The following CRTC3 variants were observed in gnomAD, a reference collection of about 807,000 sequenced individuals.
The protein encoded by CRTC3 is CREB-regulated transcription coactivator 3.
A neutral mutation model predicts 74.5 loss-of-function variants in CRTC3; 26 were observed. The ratio of observed to expected loss-of-function variants is 0.35; its 90% CI spans 0.26 to 0.48. The LOEUF (loss-of-function observed/expected upper bound fraction) is 0.48, where lower values mean the gene tolerates loss of function less well. CRTC3 is among the 20% of genes least tolerant of loss of function. CRTC3 has a pLI of 0.99. For synonymous variants in CRTC3, 377 were observed against 325.8 expected (o/e 1.16, Z -1.69); for missense variants, 760 against 787.3 (o/e 0.97, Z 0.41).
At chr15:90,549,858 A>G (rs1315171958) in intron 2 of CRTC3, among the ~76,000 whole-genome samples, 1 of 151,268 alleles carries the variant, frequency 6.6e-6, no homozygotes, top group Non-Finnish European at 1.5e-5. Flanking sequence ...GCCTGCCACC[A>G]TGCCCGGCTC....
chr15:90,639,730 G>A (rs1368800393), intron 13 of CRTC3, among the ~76,000 whole-genome samples: 1 of 149,180 alleles, frequency 6.7e-6, no homozygotes, highest in African/African-American at 2.5e-5. Flanking sequence ...GATTACAGGT[G>A]CGAGCCACTG....
At chr15:90,556,103 A>G (rs140425006) in intron 2 of CRTC3, among the ~76,000 whole-genome samples, 1 of 152,024 alleles carries the variant, frequency 6.6e-6, no homozygotes, top group African/African-American at 2.4e-5. Flanking sequence ...CAACCATTAT[A>G]TAATAATTAT....
intron 1 of CRTC3, among the ~76,000 whole-genome samples, chr15:90,537,694 A>T (rs996686155): frequency 6.6e-6 from 1 of 151,198 alleles, no homozygotes; most frequent in African/African-American, 2.4e-5. Context: ...CTTTTTTTTG[A>T]GACAGAGTCT....
intron 1 of CRTC3, among the ~76,000 whole-genome samples, chr15:90,535,488 T>C (rs1380066815): frequency 6.6e-6 from 1 of 151,998 alleles, no homozygotes; most frequent in Non-Finnish European, 1.5e-5. Flanking sequence ...TTGTGAGACG[T>C]TGAGGAGTGG....
At chr15:90,568,751 T>C (rs968416733) in intron 2 of CRTC3, among the ~76,000 whole-genome samples, 3 of 152,196 alleles carry the variant, frequency 2.0e-5, no homozygotes, top group Non-Finnish European at 4.4e-5. Flanking sequence ...GTTGTTGTCA[T>C]ATTTTAAGAA....
chr15:90,633,609 A>C (rs1408127298), intron 11 of CRTC3, among the ~76,000 whole-genome samples: 1 of 152,114 alleles, frequency 6.6e-6, no homozygotes, highest in Admixed American at 6.5e-5. Flanking sequence ...GAGTCTGCAT[A>C]TTTGGTGGGT....
chr15:90,623,948 C>G (rs1968738524), intron 9 of CRTC3, among the ~76,000 whole-genome samples: 2 of 152,164 alleles, frequency 1.3e-5, no homozygotes, highest in African/African-American at 2.4e-5. Context: ...ACTAGATCAC[C>G]TGAGTTCTTT....
rs1316555668 is a variant in CRTC3 at position 90,530,110 on chromosome 15, G to A, written c.39G>A (p.Arg13=). The change falls in exon 1 of 15, where the codon CGG becomes CGA. Residue 13 remains arginine, a synonymous_variant. Coordinates refer to ENST00000268184, the MANE Select transcript of CRTC3 (RefSeq NM_022769.5). This position sits in a 1 kb window ranked among gnomAD's most constrained non-coding sequence, Gnocchi z 6.2. ...ASPGSGSANP[R]KFSEKIALHT... Reference sequence around the variant, plus strand: ...CGGGCTCGGGCAGCGCCAACCCGCGGAAGTTCAGTGAGAAGATCGCGCTGC... The same window carrying A: ...CGGGCTCGGGCAGCGCCAACCCGCGAAAGTTCAGTGAGAAGATCGCGCTGC... The A allele has an allele frequency of 1.4e-6, 2 of 1,456,050 alleles. No individual in the cohort carries two copies. Among genetic ancestry groups the A allele is most frequent in the Admixed American group, 2.0e-5 (1 of 49,432 alleles). The allele number at this position is 1,456,050 out of a possible 1,614,324, so 90.2% of individuals were successfully genotyped here. A position where few individuals can be genotyped will look rare whatever the true frequency, so the allele number is the denominator to read the frequency against.
chr15:90,632,088 T>TC (rs1321963250), intron 11 of CRTC3, among the ~76,000 whole-genome samples: 2 of 151,472 alleles, frequency 1.3e-5, no homozygotes, highest in Non-Finnish European at 2.9e-5. Flanking sequence ...TTTTTTTTTT[T>TC]TGTAGAGATG....
At chr15:90,537,429 G>T (rs936358194) in intron 1 of CRTC3, among the ~76,000 whole-genome samples, 3 of 152,156 alleles carry the variant, frequency 2.0e-5, no homozygotes, top group Admixed American at 1.3e-4. Flanking sequence ...TGTCGCCCAG[G>T]CTGGAGTGCA....
intron 6 of CRTC3, chr15:90,614,188 C>T: frequency 2.9e-6 from 1 of 343,680 alleles, no homozygotes; most frequent in Non-Finnish European, 5.3e-6. Flanking sequence ...AAAAATTGTT[C>T]TCCTCTCAGG....
intron 9 of CRTC3, among the ~76,000 whole-genome samples, chr15:90,621,914 C>T (rs946557865): frequency 6.6e-6 from 1 of 152,234 alleles, no homozygotes. Context: ...TTCCTGCTTT[C>T]GAGGAGCTAA....
In CRTC3 at chr15:90,530,250, G is replaced by C; in HGVS notation, c.132+47G>C. 2 of 1,031,580 alleles carry C rather than the reference G, an allele frequency of 1.9e-6. No homozygotes were observed. The highest frequency in any genetic ancestry group is 2.3e-6 in the Non-Finnish European group (2 of 856,784). 63.9% of individuals were successfully genotyped at this position (1,031,580 alleles called of 1,614,324 possible). A position where few individuals can be genotyped will look rare whatever the true frequency, so the allele number is the denominator to read the frequency against. On this transcript the variant is annotated intron_variant, in intron 1 of 14. Transcript: ENST00000268184. This position sits in a 1 kb window ranked among gnomAD's most constrained non-coding sequence, Gnocchi z 6.2. ...GGCGGGGGCGGCCACGGCCGCGGGC[G>C]GGACCCGCGCGGCGGGTGAGAGGTT...
At chr15:90,563,213 C>G (rs1014455466) in intron 2 of CRTC3, among the ~76,000 whole-genome samples, 1 of 152,100 alleles carries the variant, frequency 6.6e-6, no homozygotes, top group East Asian at 1.9e-4. Context: ...TGAGACCAGC[C>G]TGGCAAACAT....
At chr15:90,598,561 G>T in intron 3 of CRTC3, 2 of 701,728 alleles carry the variant, frequency 2.9e-6, no homozygotes, top group South Asian at 3.0e-5. Flanking sequence ...ACACTGGGAT[G>T]ACTCTGAGAT....
Position 90,539,618 on chromosome 15 carries a change from A to G in CRTC3, c.133-421A>G, listed in dbSNP as rs1966771846. The stretch of plus-strand genomic sequence containing the variant: ...GAGCATGCTAGGTTGTACCTATCTT[A>G]TGATCACAGCTATGCAGTTCTTACC... On this transcript the variant is annotated intron_variant, in intron 1 of 14. Transcript: ENST00000268184. 4 of 209,030 alleles carry G rather than the reference A, an allele frequency of 1.9e-5. No homozygotes were observed. The South Asian group carries it at 2.9e-4, about 15-fold the overall frequency. The allele number at this position is 209,030 out of a possible 1,614,324, so 12.9% of individuals were successfully genotyped here.
At chr15:90,545,748 T>G (rs1040936920) in intron 2 of CRTC3, among the ~76,000 whole-genome samples, 9 of 152,232 alleles carry the variant, frequency 5.9e-5, no homozygotes, top group Admixed American at 4.6e-4. Context: ...GGGTAATTTT[T>G]TTTGTATTTT....
At position 90,604,100 on chromosome 15, in the gene CRTC3, A is replaced by G. The variant is rs570151366; in HGVS notation, c.414-285A>G. ...ATCCAAGATTGCCACGGCGCCCCCT[A>G]CATGCACACTGAACTCCTCATCTGC... is the stretch of plus-strand genomic sequence containing the variant. On this transcript the variant is annotated intron_variant, in intron 4 of 14. Transcript: ENST00000268184. 7.8e-5 allele frequency: 23 copies of G among 295,870 alleles called. No individual in the cohort carries two copies. The South Asian group carries it at 1.3e-3, about 17-fold the overall frequency. The allele number at this position is 295,870 out of a possible 1,614,324, so 18.3% of individuals were successfully genotyped here.
At chr15:90,589,747 G>A (rs567571838) in intron 2 of CRTC3, among the ~76,000 whole-genome samples, 1 of 152,330 alleles carries the variant, frequency 6.6e-6, no homozygotes, top group Admixed American at 6.5e-5. Context: ...AGTACTTTGG[G>A]AGGCCGAGGC....
Sources: gnomAD v4.1 joint callset for allele counts (sites outside exome capture counted in the v4.1 genomes callset) on GRCh38, gnomAD v4.1.1 for gene constraint, Gnocchi (gnomAD v3.1) non-coding constraint, MANE v1.5 for transcripts, NCBI Gene and HGNC (gene_info 2026-07-23, HGNC 2026-07-21) for gene names.